RUNX1: variants seen among roughly 807,000 people sequenced by gnomAD.
RUNX1 encodes the protein runt-related transcription factor 1.
RUNX1 carries 19 observed loss-of-function variants against 42.8 expected under a neutral mutation model. The observed-to-expected ratio is 0.44, with a 90% CI of 0.31 to 0.65. RUNX1 has a LOEUF of 0.65. Ranked by LOEUF, RUNX1 falls within the 30% of genes least tolerant of loss-of-function variation. The probability of loss-of-function intolerance (pLI) is 0.07; values close to 1 mark genes in which losing one functional copy is unlikely to be tolerated. For synonymous variants in RUNX1, 271 were observed against 289.4 expected, an observed-to-expected ratio of 0.94 and a Z score of 0.64; for missense variants, 528 against 672.0, an observed-to-expected ratio of 0.79 and a Z score of 2.37.
intron 5 of RUNX1, among the ~76,000 whole-genome samples, chr21:34,871,405 C>T (rs780600280): frequency 2.2e-4 from 33 of 152,220 alleles, no homozygotes; most frequent in Admixed American, 3.3e-4. Context: ...GATGTATACA[C>T]GGAGAAGGAA....
chr21:35,047,342 A>T (rs1158331773), intron 2 of RUNX1, among the ~76,000 whole-genome samples: 2 of 151,918 alleles, frequency 1.3e-5, no homozygotes, highest in African/African-American at 2.4e-5. Context: ...TGTGTTACCA[A>T]CCAAACGACG....
intron 2 of RUNX1, among the ~76,000 whole-genome samples, chr21:35,023,702 G>C (rs1157086509): frequency 2.0e-5 from 3 of 152,150 alleles, no homozygotes; most frequent in Non-Finnish European, 4.4e-5. Flanking sequence ...CAGGACTGGA[G>C]CCTGAGGGTG....
intron 2 of RUNX1, among the ~76,000 whole-genome samples, chr21:34,971,784 T>G (rs900680191): frequency 1.3e-5 from 2 of 152,162 alleles, no homozygotes; most frequent in Non-Finnish European, 2.9e-5. Context: ...TTGGAGCCCA[T>G]GAATTGCAAC....
chr21:34,910,456 G>C (rs999684450), intron 2 of RUNX1, among the ~76,000 whole-genome samples: 2 of 151,420 alleles, frequency 1.3e-5, no homozygotes, highest in Non-Finnish European at 2.9e-5. Context: ...TCTTTCTGAA[G>C]TCAAGAACTG....
At chr21:34,878,272 T>C (rs2057843981) in intron 5 of RUNX1, among the ~76,000 whole-genome samples, 1 of 150,202 alleles carries the variant, frequency 6.7e-6, no homozygotes, top group African/African-American at 2.4e-5. Context: ...TTATATTTTA[T>C]GACTATGGAA....
chr21:35,009,816 G>A (rs909870813), intron 2 of RUNX1, among the ~76,000 whole-genome samples: 8 of 152,056 alleles, frequency 5.3e-5, no homozygotes, highest in African/African-American at 1.9e-4. Context: ...TTTTTCAGGA[G>A]GGTTTAAAAT....
intron 2 of RUNX1, among the ~76,000 whole-genome samples, chr21:34,985,916 A>T (rs2058883676): frequency 7.7e-6 from 1 of 130,526 alleles, no homozygotes; most frequent in South Asian, 2.5e-4. Context: ...TCTGTCACCC[A>T]GGCTGGAGTA....
chr21:34,853,024 C>T (rs1245767791), intron 6 of RUNX1, among the ~76,000 whole-genome samples: 2 of 152,204 alleles, frequency 1.3e-5, no homozygotes, highest in Non-Finnish European at 2.9e-5. Flanking sequence ...CTCCACGAAA[C>T]CCTTTGTTAA....
chr21:34,806,213 A>G (rs971319717), intron 7 of RUNX1, among the ~76,000 whole-genome samples: 1 of 152,204 alleles, frequency 6.6e-6, no homozygotes, highest in Non-Finnish European at 1.5e-5. Flanking sequence ...TAAAGACAAG[A>G]CCCAACTACA....
At chr21:34,932,546 A>C (rs1313120587) in intron 2 of RUNX1, among the ~76,000 whole-genome samples, 1 of 152,186 alleles carries the variant, frequency 6.6e-6, no homozygotes, top group Non-Finnish European at 1.5e-5. Flanking sequence ...TACCTATGTA[A>C]AACAGTTACA....
chr21:34,906,545 C>G (rs976379303), intron 2 of RUNX1, among the ~76,000 whole-genome samples: 1 of 152,152 alleles, frequency 6.6e-6, no homozygotes, highest in Non-Finnish European at 1.5e-5. Context: ...TCCCCTAAGG[C>G]TTAAAGAAGT....
At chr21:34,976,189 A>T (rs969788531) in intron 2 of RUNX1, among the ~76,000 whole-genome samples, 5 of 152,130 alleles carry the variant, frequency 3.3e-5, no homozygotes, top group African/African-American at 9.7e-5. Context: ...AAGCTCAATG[A>T]GATCTAGTTG....
chr21:35,048,472 C>T (rs2059416638), intron 2 of RUNX1, among the ~76,000 whole-genome samples: 1 of 152,230 alleles, frequency 6.6e-6, no homozygotes, highest in Non-Finnish European at 1.5e-5. Context: ...TTAAGGATAA[C>T]TCAGACACAG....
chr21:34,844,195 G>A (rs888567803), intron 6 of RUNX1, among the ~76,000 whole-genome samples: 20 of 152,194 alleles, frequency 1.3e-4, no homozygotes, highest in Admixed American at 3.3e-4. Flanking sequence ...AAGAGAAGGC[G>A]ACTTGCAGAA....
At chr21:35,027,866 T>C (rs535437621) in intron 2 of RUNX1, among the ~76,000 whole-genome samples, 1 of 152,368 alleles carries the variant, frequency 6.6e-6, no homozygotes, top group South Asian at 2.1e-4. Flanking sequence ...TTGGAGCCCA[T>C]ATTTGAATAT....
At chr21:34,913,407 A>G (rs1010484271) in intron 2 of RUNX1, among the ~76,000 whole-genome samples, 21 of 152,244 alleles carry the variant, frequency 1.4e-4, no homozygotes, top group Admixed American at 1.1e-3. Flanking sequence ...GTGCAGATGG[A>G]AGTGGATCTC....
At chr21:35,048,749 C>A (rs567481157) in intron 2 of RUNX1, 93 bp downstream of exon 2, 3 of 1,039,896 alleles carry the variant, frequency 2.9e-6, no homozygotes, top group Admixed American at 1.7e-5. Flanking sequence ...TGGCAGGCAC[C>A]GAGGCATCTC....
At chr21:34,926,735 A>T (rs2058398096) in intron 2 of RUNX1, among the ~76,000 whole-genome samples, 1 of 152,082 alleles carries the variant, frequency 6.6e-6, no homozygotes, top group Non-Finnish European at 1.5e-5. Flanking sequence ...AACATAATGC[A>T]ATAAGAACTG....
intron 7 of RUNX1, among the ~76,000 whole-genome samples, chr21:34,811,918 T>C (rs1420470273): frequency 6.6e-6 from 1 of 151,966 alleles, no homozygotes; most frequent in Non-Finnish European, 1.5e-5. Flanking sequence ...CCTCTGAAAC[T>C]CAAGGCTTCT....
Sources: gnomAD v4.1 joint callset for allele counts (sites outside exome capture counted in the v4.1 genomes callset) on GRCh38, gnomAD v4.1.1 for gene constraint, MANE v1.5 for transcripts, NCBI Gene and HGNC (gene_info 2026-07-23, HGNC 2026-07-21) for gene names.